UBAP2: variants seen among roughly 807,000 people sequenced by gnomAD.
UBAP2 encodes ubiquitin-associated protein 2.
Under a neutral mutation model 139.6 loss-of-function variants are expected in UBAP2, and 75 were observed. The ratio of observed to expected loss-of-function variants is 0.54; its 90% CI spans 0.45 to 0.65. The LOEUF (loss-of-function observed/expected upper bound fraction) is 0.65, where lower values mean the gene tolerates loss of function less well. Ranked by LOEUF, UBAP2 falls within the 30% of genes least tolerant of loss-of-function variation. The pLI is 0.00. For synonymous variants in UBAP2, 526 were observed against 526.2 expected (o/e 1.00, Z 0.01); for missense variants, 1,368 against 1,369.6 (o/e 1.00, Z 0.02).
chr9:33,991,820 T>C (rs1821734590), intron 4 of UBAP2, among the ~76,000 whole-genome samples: 2 of 152,156 alleles, frequency 1.3e-5, no homozygotes, highest in African/African-American at 4.8e-5. Flanking sequence ...GGAAAAATCA[T>C]CCCAGAAGAG....
intron 22 of UBAP2, among the ~76,000 whole-genome samples, chr9:33,924,838 C>T (rs1823278563): frequency 1.3e-5 from 2 of 152,240 alleles, no homozygotes; most frequent in Admixed American, 6.5e-5. Flanking sequence ...ACCCACGGCC[C>T]ATGACAGCTT....
chr9:33,966,212 C>G (rs1827439762), intron 8 of UBAP2, among the ~76,000 whole-genome samples: 1 of 151,582 alleles, frequency 6.6e-6, no homozygotes, highest in South Asian at 2.1e-4. Flanking sequence ...CTTTGGGAGG[C>G]TGAGGTGGGC....
intron 1 of UBAP2, among the ~76,000 whole-genome samples, chr9:34,039,283 C>A (rs1452384746): frequency 6.6e-6 from 1 of 151,410 alleles, no homozygotes; most frequent in Non-Finnish European, 1.5e-5. Flanking sequence ...GGGGGGGGCG[C>A]CTCTGCCCGG....
chr9:33,927,206 A>C, intron 20 of UBAP2, 126 bp from the exon 21 acceptor site: 1 of 666,244 alleles, frequency 1.5e-6, no homozygotes, highest in Non-Finnish European at 2.6e-6. Flanking sequence ...GCAGTGGCCG[A>C]ATGAGGCAGA....
At chr9:33,924,309 TC>T (rs769787073) in intron 22 of UBAP2, 25 bp from the exon 23 acceptor site, 1 of 1,605,838 alleles carries the variant, frequency 6.2e-7, no homozygotes. Context: ...GGAGGCTTGA[TC>T]AGCGACTGGC....
intron 1 of UBAP2, among the ~76,000 whole-genome samples, chr9:34,024,341 TC>T (rs745324195): frequency 5.3e-3 from 207 of 39,060 alleles, no homozygotes; most frequent in African/African-American, 0.015. Flanking sequence ...AAACTCTGTC[TC>T]AAAAAAAAAA....
chr9:34,040,113 C>T (rs1486332851), intron 1 of UBAP2, among the ~76,000 whole-genome samples: 1 of 151,074 alleles, frequency 6.6e-6, no homozygotes, highest in African/African-American at 2.4e-5. Context: ...GAGCCAAGAT[C>T]ACGCCATTGC....
At chr9:34,034,474 C>T (rs531655112) in intron 1 of UBAP2, among the ~76,000 whole-genome samples, 2 of 152,330 alleles carry the variant, frequency 1.3e-5, no homozygotes, top group African/African-American at 4.8e-5. Flanking sequence ...AACATTAACA[C>T]ACCTGCCACA....
rs1356103936 is a variant in UBAP2 at position 34,039,209 on chromosome 9, G to A, written c.-42+9616C>T. ...GGGAGGTGGGGGGCAGCCCCCGCCC[G>A]GCCAGCCGCCCCGTTGGGGAGTTGG... On this transcript the variant is annotated intron_variant, in intron 1 of 28. Coordinates refer to ENST00000379238, the MANE Select transcript of UBAP2 (RefSeq NM_001370062.2). 1.5e-4 allele frequency among the ~76,000 whole-genome samples: 23 copies of A among 148,744 alleles called. No homozygotes were observed. In the East Asian group the frequency reaches 2.5e-3, roughly 16 times the overall value.
At chr9:33,947,824 CAA>C (rs67708083) in intron 13 of UBAP2, among the ~76,000 whole-genome samples, 7,553 of 139,066 alleles carry the variant, frequency 0.054, 433 homozygotes, top group African/African-American at 0.15. Flanking sequence ...GATCCTGACT[CAA>C]AAAAAAAAAA....
rs1300786019 is a variant in UBAP2 at position 33,943,437 on chromosome 9, C to T, written c.1698G>A (p.Leu566=). Residue 566 remains leucine (L), a synonymous_variant, in exon 15 of 29, where the codon TTG becomes TTA. Transcript: ENST00000379238. ...TTCAGTACCTTAAAGACTTCGAATA[C>T]AAGCTGATGGGAATCTGATTACTAT... ...SENSNQIPIS[L]YSKSLSEPLN... is the part of the protein sequence containing the mutation. The T allele has an allele frequency of 1.2e-6, 2 of 1,614,178 alleles. No individual in the cohort carries two copies. Among genetic ancestry groups the T allele is most frequent in the Non-Finnish European group, 1.7e-6 (2 of 1,180,022 alleles).
chr9:34,017,872 A>G (rs1465901017), intron 1 of UBAP2, among the ~76,000 whole-genome samples: 2 of 152,102 alleles, frequency 1.3e-5, no homozygotes, highest in Non-Finnish European at 2.9e-5. Context: ...GGTTGCAGTC[A>G]GCCGAGATCG....
intron 11 of UBAP2, among the ~76,000 whole-genome samples, chr9:33,954,269 TACACACACAC>T (rs60078088): frequency 2.1e-5 from 3 of 139,810 alleles, no homozygotes; most frequent in Non-Finnish European, 3.0e-5. Context: ...TGTGTGTATA[TACACACACAC>T]ACACACACAC....
intron 1 of UBAP2, among the ~76,000 whole-genome samples, chr9:34,030,450 AAAACAAAC>A (rs753178288): frequency 1.3e-5 from 2 of 151,844 alleles, no homozygotes; most frequent in Non-Finnish European, 2.9e-5. Context: ...TTCCATCTCA[AAAACAAAC>A]AAACAAACAA....
chr9:33,991,318 TAAC>T (rs1821694348), intron 4 of UBAP2, among the ~76,000 whole-genome samples: 1 of 144,726 alleles, frequency 6.9e-6, no homozygotes, highest in Non-Finnish European at 1.5e-5. Flanking sequence ...ATAATAATAA[TAAC>T]GTAAGAATTG....
intron 1 of UBAP2, among the ~76,000 whole-genome samples, chr9:34,020,393 C>A (rs915295159): frequency 6.6e-6 from 1 of 151,202 alleles, no homozygotes; most frequent in Non-Finnish European, 1.5e-5. Context: ...AGTGCGATCT[C>A]GGCTCACTGC....
intron 14 of UBAP2, among the ~76,000 whole-genome samples, chr9:33,943,923 T>C (rs1362076251): frequency 6.6e-6 from 1 of 150,574 alleles, no homozygotes; most frequent in East Asian, 1.9e-4. Context: ...AAAGGAGAAA[T>C]TAAAAGTTAA....
At chr9:33,926,238 A>C (rs374233416) in intron 22 of UBAP2, among the ~76,000 whole-genome samples, 1 of 152,230 alleles carries the variant, frequency 6.6e-6, no homozygotes, top group African/African-American at 2.4e-5. Context: ...AGGAAGAGGA[A>C]GACAGTATAA....
chr9:33,922,641 A>C, intron 28 of UBAP2, 42 bp from the exon 29 acceptor site: 3 of 1,598,104 alleles, frequency 1.9e-6, no homozygotes, highest in Non-Finnish European at 1.7e-6. Flanking sequence ...GCTGGAGCAG[A>C]ACCCCTGGCC....
Sources: gnomAD v4.1 joint callset for allele counts (sites outside exome capture counted in the v4.1 genomes callset) on GRCh38, gnomAD v4.1.1 for gene constraint, MANE v1.5 for transcripts, NCBI Gene and HGNC (gene_info 2026-07-23, HGNC 2026-07-21) for gene names.